Variants in REEP3 observed in about 807,000 individuals in gnomAD.
REEP3 encodes receptor expression-enhancing protein 3.
REEP3 carries 20 observed loss-of-function variants against 41.3 expected under a neutral mutation model. That is an observed-to-expected ratio of 0.48 (90% CI 0.34 to 0.70). REEP3 has a LOEUF of 0.70. Ranked by LOEUF, REEP3 falls within the 30% of genes least tolerant of loss-of-function variation. The pLI, the probability that REEP3 is intolerant of heterozygous loss-of-function variation, is 0.01. For missense variants in REEP3, 271 were observed against 308.8 expected (o/e 0.88, Z 0.92); for synonymous variants, 104 against 101.8 (o/e 1.02, Z -0.13).
chr10:63,611,776 C>T (rs1956278884), intron 6 of REEP3, among the ~76,000 whole-genome samples: 1 of 147,340 alleles, frequency 6.8e-6, no homozygotes, highest in Non-Finnish European at 1.5e-5. Flanking sequence ...AATATCTCTG[C>T]AAAAAAAAAT....
chr10:63,523,585 G>A (rs181499844), intron 1 of REEP3, among the ~76,000 whole-genome samples: 3 of 152,272 alleles, frequency 2.0e-5, no homozygotes, highest in African/African-American at 4.8e-5. Flanking sequence ...GCAGTGAGCC[G>A]TGATCGTGCC....
At chr10:63,603,883 G>C (rs1300279353) in intron 5 of REEP3, among the ~76,000 whole-genome samples, 2 of 152,162 alleles carry the variant, frequency 1.3e-5, no homozygotes, top group Non-Finnish European at 2.9e-5. Flanking sequence ...TGTCAAACAA[G>C]GGCATTGTCA....
chr10:63,605,593 A>G (rs1956217524), intron 5 of REEP3, among the ~76,000 whole-genome samples: 1 of 152,248 alleles, frequency 6.6e-6, no homozygotes, highest in South Asian at 2.1e-4. Flanking sequence ...GGTGCTGATA[A>G]ACAAAATAAG....
intron 1 of REEP3, among the ~76,000 whole-genome samples, chr10:63,530,842 C>T (rs1955414324): frequency 6.6e-6 from 1 of 152,116 alleles, no homozygotes; most frequent in African/African-American, 2.4e-5. Flanking sequence ...TTGATCATTT[C>T]ATGGAAAAAG....
At chr10:63,526,889 G>A (rs1305891040) in intron 1 of REEP3, among the ~76,000 whole-genome samples, 1 of 152,002 alleles carries the variant, frequency 6.6e-6, no homozygotes, top group African/African-American at 2.4e-5. Context: ...TTTTAATATA[G>A]TTCGCCTTCT....
At chr10:63,606,190 T>A (rs566845608) in intron 5 of REEP3, 57 of 597,302 alleles carry the variant, frequency 9.5e-5, no homozygotes, top group Non-Finnish European at 1.1e-4. Flanking sequence ...ATCTTGTGAA[T>A]GGTAATCCCG....
chr10:63,523,154 C>CACAA (rs1286564554), intron 1 of REEP3, among the ~76,000 whole-genome samples: 42 of 152,154 alleles, frequency 2.8e-4, no homozygotes, highest in Admixed American at 2.2e-3. Flanking sequence ...CTACCTATAA[C>CACAA]ACAAAGGTCA....
chr10:63,594,983 G>C, intron 3 of REEP3, 129 bp downstream of exon 3: 1 of 674,208 alleles, frequency 1.5e-6, no homozygotes. Flanking sequence ...ATTTGTTTTT[G>C]TCATCTGCTT....
chr10:63,582,318 A>G (rs1955962225), intron 2 of REEP3, among the ~76,000 whole-genome samples: 1 of 152,190 alleles, frequency 6.6e-6, no homozygotes, highest in Admixed American at 6.5e-5. Flanking sequence ...TGACTTTTAA[A>G]CATCTGTCTG....
At chr10:63,526,629 C>T (rs143375180) in intron 1 of REEP3, among the ~76,000 whole-genome samples, 65 of 151,754 alleles carry the variant, frequency 4.3e-4, no homozygotes, top group Non-Finnish European at 7.4e-4. Flanking sequence ...TCATTGTTTT[C>T]TTTTGTATTT....
chr10:63,617,812 CTTTTTTTTTTTTTTTT>C (rs60910642), intron 6 of REEP3, among the ~76,000 whole-genome samples: 1 of 83,502 alleles, frequency 1.2e-5, no homozygotes, highest in Non-Finnish European at 2.3e-5. Context: ...TCCTTCTACT[CTTTTTTTTTTTTTTTT>C]TTTTTTTTTT....
intron 1 of REEP3, among the ~76,000 whole-genome samples, chr10:63,537,609 T>G (rs72837085): frequency 0.061 from 9,281 of 152,194 alleles, 442 homozygotes; most frequent in African/African-American, 0.13. Flanking sequence ...AGGACCAAGA[T>G]ATCTACAGTA....
At chr10:63,555,311 T>A (rs913915399) in intron 1 of REEP3, among the ~76,000 whole-genome samples, 3 of 152,226 alleles carry the variant, frequency 2.0e-5, no homozygotes, top group Non-Finnish European at 4.4e-5. Flanking sequence ...CATATTTTTC[T>A]TTAAGGTTTA....
chr10:63,578,089 A>G (rs1322974047), intron 2 of REEP3, among the ~76,000 whole-genome samples: 1 of 151,966 alleles, frequency 6.6e-6, no homozygotes, highest in African/African-American at 2.4e-5. Context: ...GTATGTATGT[A>G]TGTATTTATG....
intron 2 of REEP3, among the ~76,000 whole-genome samples, chr10:63,591,899 G>A (rs1218418563): frequency 6.6e-6 from 1 of 152,170 alleles, no homozygotes. Flanking sequence ...ACAATTTGTG[G>A]AGCATTACTT....
rs937769190 is a variant in REEP3, at chr10:63,624,308, T to C, written c.*3439T>C. ...TTTTCAGAAAGAAAATTATAGCTTT[T>C]TTCCCAAAATATTTTTAAGATTTAA... is the stretch of plus-strand genomic sequence containing the variant. On this transcript the variant is annotated 3_prime_UTR_variant, in exon 8 of 8. Coordinates refer to ENST00000373758, the MANE Select transcript of REEP3 (RefSeq NM_001001330.3). The C allele has an allele frequency of 2.6e-5, 4 of 152,156 alleles. No homozygotes were observed. The highest frequency in any genetic ancestry group is 7.2e-5 in the African/African-American group (3 of 41,460). 9.4% of individuals were successfully genotyped at this position (152,156 alleles called of 1,614,324 possible).
At chr10:63,554,374 AT>A (rs939531643) in intron 1 of REEP3, among the ~76,000 whole-genome samples, 24 of 151,174 alleles carry the variant, frequency 1.6e-4, no homozygotes, top group Non-Finnish European at 3.4e-4. Context: ...GGTCTCAGAT[AT>A]TTTTTTTATA....
At chr10:63,566,774 T>C (rs1433184368) in intron 2 of REEP3, among the ~76,000 whole-genome samples, 2 of 152,160 alleles carry the variant, frequency 1.3e-5, no homozygotes, top group East Asian at 3.8e-4. Flanking sequence ...TCAAAGCTTT[T>C]TTCCTCTTCT....
intron 1 of REEP3, among the ~76,000 whole-genome samples, chr10:63,551,456 C>T (rs1385348564): frequency 1.3e-5 from 2 of 152,116 alleles, no homozygotes; most frequent in African/African-American, 4.8e-5. Flanking sequence ...GCATCACTCC[C>T]CACTCCTTAA....
Sources: allele counts gnomAD v4.1 joint callset (sites outside exome capture counted in the v4.1 genomes callset), GRCh38; gene constraint gnomAD v4.1.1; transcripts MANE v1.5; gene names NCBI Gene and HGNC (gene_info 2026-07-23, HGNC 2026-07-21).